ERCC6L2: variants seen among roughly 807,000 people sequenced by gnomAD.
ERCC6L2 encodes DNA excision repair protein ERCC-6-like 2.
ERCC6L2 carries 77 observed loss-of-function variants against 132.0 expected under a neutral mutation model. That is an observed-to-expected ratio of 0.58 (90% confidence interval 0.49 to 0.71). The LOEUF (loss-of-function observed/expected upper bound fraction) is 0.71. Among genes scored for constraint, ERCC6L2 ranks in the 30% least tolerant of loss-of-function variants. The pLI, the probability that ERCC6L2 is intolerant of heterozygous loss-of-function variation, is 0.00. For synonymous variants in ERCC6L2, 583 were observed against 632.4 expected, an observed-to-expected ratio of 0.92 and a Z score of 1.17; for missense variants, 1,542 against 1,837.6, an observed-to-expected ratio of 0.84 and a Z score of 2.94.
At chr9:96,024,416 C>T (rs981736623) in intron 19 of ERCC6L2, among the ~76,000 whole-genome samples, 7 of 152,234 alleles carry the variant, frequency 4.6e-5, no homozygotes, top group African/African-American at 1.4e-4. Flanking sequence ...CTAGATGGGA[C>T]GTGGTGGCCC....
intron 17 of ERCC6L2, 98 bp downstream of exon 17, chr9:95,978,313 C>T: frequency 1.4e-6 from 1 of 701,722 alleles, no homozygotes; most frequent in Non-Finnish European, 1.9e-6. Flanking sequence ...AAAGTAGCAA[C>T]AAAAACTGTA....
chr9:96,010,375 C>T (rs139364211), intron 18 of ERCC6L2, among the ~76,000 whole-genome samples: 99 of 152,310 alleles, frequency 6.5e-4, no homozygotes, highest in African/African-American at 2.1e-3. Context: ...ACCTGGTCTA[C>T]GTGGCAGAAA....
chr9:95,972,732 TAAGA>T lies in ERCC6L2; in HGVS notation c.2986_2989del (p.Lys996GlufsTer5). 3.8e-6 allele frequency: 5 copies of T among 1,302,614 alleles called. No homozygotes were observed. The highest frequency in any genetic ancestry group is 5.1e-6 in the Non-Finnish European group (5 of 988,724). 80.7% of individuals were successfully genotyped at this position (1,302,614 alleles called of 1,614,324 possible). A position where few individuals can be genotyped will look rare whatever the true frequency, so the allele number is the denominator to read the frequency against. On this transcript the variant is annotated frameshift_variant, in exon 16 of 19. Coordinates refer to ENST00000653738, the MANE Select transcript of ERCC6L2 (RefSeq NM_020207.7). LOFTEE classifies it high-confidence loss of function. ...ATTGAAATTTCTTCCAAGTCAAGAG[TAAGA>T]AAGAGAGCTAGTTCATTGAGGTTTA...
chr9:95,926,171 C>G (rs1830092235), intron 9 of ERCC6L2, among the ~76,000 whole-genome samples: 1 of 152,182 alleles, frequency 6.6e-6, no homozygotes, highest in African/African-American at 2.4e-5. Context: ...CTTTGGAAGA[C>G]AGTTCAGTGG....
Position 95,876,085 on chromosome 9 carries a change from G to T in ERCC6L2, c.46+1G>T, listed in dbSNP as rs1827247019. 6.4e-7 allele frequency: 1 copy of T among 1,574,286 alleles called. No homozygotes were observed. Among genetic ancestry groups the T allele is most frequent in the Non-Finnish European group, 8.6e-7 (1 of 1,160,428 alleles). On this transcript the variant is annotated splice_donor_variant, in intron 1 of 18. Transcript: ENST00000653738. LOFTEE classifies it high-confidence loss of function. Reference sequence around the variant, plus strand: ...CCCCGCGCGGAAACCTCAGGCAAAGGTACCAGCTCCGCGCTCGCCCCTTAC... The same window carrying T: ...CCCCGCGCGGAAACCTCAGGCAAAGTTACCAGCTCCGCGCTCGCCCCTTAC...
intron 17 of ERCC6L2, among the ~76,000 whole-genome samples, chr9:95,991,303 A>G (rs560289215): frequency 6.6e-6 from 1 of 152,258 alleles, no homozygotes; most frequent in South Asian, 2.1e-4. Context: ...CTTGCAGGAA[A>G]AAGAAACTGC....
chr9:95,891,739 C>T (rs1167908234), intron 2 of ERCC6L2, among the ~76,000 whole-genome samples: 1 of 152,084 alleles, frequency 6.6e-6, no homozygotes, highest in African/African-American at 2.4e-5. Flanking sequence ...TATAGCCATC[C>T]TACTATGTGT....
chr9:95,881,439 A>AG, intron 2 of ERCC6L2, 146 bp downstream of exon 2: 2 of 519,188 alleles, frequency 3.9e-6, no homozygotes, highest in Non-Finnish European at 3.2e-6. Flanking sequence ...CTAGATAGTG[A>AG]AGTCCTCAAA....
At chr9:95,911,533 T>C (rs1255242183) in intron 4 of ERCC6L2, among the ~76,000 whole-genome samples, 1 of 152,128 alleles carries the variant, frequency 6.6e-6, no homozygotes, top group Non-Finnish European at 1.5e-5. Flanking sequence ...TTTATGATTT[T>C]ATATTTATTT....
At chr9:95,978,987 G>A (rs965666464) in intron 17 of ERCC6L2, among the ~76,000 whole-genome samples, 1 of 152,036 alleles carries the variant, frequency 6.6e-6, no homozygotes, top group Non-Finnish European at 1.5e-5. Flanking sequence ...GTTTGACAAA[G>A]GAATTAAATT....
At chr9:95,962,823 G>A (rs1366914763) in intron 13 of ERCC6L2, among the ~76,000 whole-genome samples, 1 of 152,108 alleles carries the variant, frequency 6.6e-6, no homozygotes, top group Non-Finnish European at 1.5e-5. Context: ...ACCTAATGGT[G>A]TTTTCAACTT....
chr9:95,974,820 CAT>C (rs1045777335), intron 16 of ERCC6L2, among the ~76,000 whole-genome samples: 4 of 151,678 alleles, frequency 2.6e-5, no homozygotes, highest in Non-Finnish European at 5.9e-5. Context: ...TGTATGTACA[CAT>C]ATGTGATGAT....
At chr9:96,004,798 C>G (rs1290008323) in intron 18 of ERCC6L2, 97 bp downstream of exon 18, 1 of 774,210 alleles carries the variant, frequency 1.3e-6, no homozygotes, top group Non-Finnish European at 1.9e-6. Context: ...ATAACCATAA[C>G]TGACATCTGA....
intron 14 of ERCC6L2, chr9:95,968,056 G>A (rs1398387609): frequency 2.6e-5 from 4 of 152,046 alleles, no homozygotes; most frequent in South Asian, 2.1e-4. Context: ...AGGATGACAG[G>A]TTATTAAGTA....
chr9:96,005,909 A>G (rs1290762630), intron 18 of ERCC6L2, among the ~76,000 whole-genome samples: 1 of 152,172 alleles, frequency 6.6e-6, no homozygotes, highest in South Asian at 2.1e-4. Context: ...GATGAATTCA[A>G]TTTGGTGATG....
Position 96,018,005 on chromosome 9 carries a change from A to G in ERCC6L2, c.*4802A>G, listed in dbSNP as rs1322459756. Among the ~76,000 whole-genome samples, 1 of 152,230 alleles carries G rather than the reference A, an allele frequency of 6.6e-6. No individual in the cohort carries two copies. Among genetic ancestry groups the G allele is most frequent in the African/African-American group, 2.4e-5 (1 of 41,456 alleles). ...TCAGACACAGAAGGACAAATACTGTATGATTCCACTTATATAAAGTACCTA... is the reference window on the plus strand; with the variant it reads ...TCAGACACAGAAGGACAAATACTGTGTGATTCCACTTATATAAAGTACCTA... On this transcript the variant is annotated 3_prime_UTR_variant, in exon 19 of 19. Transcript: ENST00000653738.
chr9:95,938,831 A>T (rs1830672095), intron 11 of ERCC6L2, among the ~76,000 whole-genome samples: 1 of 151,968 alleles, frequency 6.6e-6, no homozygotes, highest in East Asian at 1.9e-4. Context: ...AATTATTGAT[A>T]TTTTTTATTT....
intron 12 of ERCC6L2, among the ~76,000 whole-genome samples, chr9:95,945,457 A>G (rs181383949): frequency 2.0e-5 from 3 of 152,296 alleles, no homozygotes; most frequent in African/African-American, 7.2e-5. Context: ...CTGAGGCAAC[A>G]CTCATCCTCC....
At position 95,922,403 on chromosome 9, in the gene ERCC6L2, T is replaced by C. The variant is rs1458013160; in HGVS notation, c.1398T>C (p.Ser466=). ...ANHVALLQAA[S]TSKQQETLIK... ...ATGTCGCGCTACTGCAAGCTGCTAG[T>C]ACTTCCAAACAACAGGTTTGGTTAG... The change falls in exon 8 of 19, where the codon AGT becomes AGC. Residue 466 remains serine (S), a synonymous_variant. Coordinates refer to ENST00000653738, the MANE Select transcript of ERCC6L2 (RefSeq NM_020207.7). 4 of 1,606,730 alleles carry C rather than the reference T, an allele frequency of 2.5e-6. No homozygotes were observed. In the African/African-American group the frequency reaches 5.3e-5, roughly 21 times the overall value.
Sources: gnomAD v4.1 joint callset for allele counts (sites outside exome capture counted in the v4.1 genomes callset) on GRCh38, gnomAD v4.1.1 for gene constraint, MANE v1.5 for transcripts, NCBI Gene and HGNC (gene_info 2026-07-23, HGNC 2026-07-21) for gene names.